Variants in VAV3 observed in about 807,000 individuals in gnomAD.
VAV3 encodes guanine nucleotide exchange factor VAV3.
In VAV3, 94 loss-of-function variants were observed where a neutral mutation model predicts 131.2. That is an observed-to-expected ratio of 0.72 (90% confidence interval 0.61 to 0.85). The LOEUF (loss-of-function observed/expected upper bound fraction) is 0.85. Among genes scored for constraint, VAV3 ranks in the 40% least tolerant of loss-of-function variants. The probability of loss-of-function intolerance (pLI) is 0.00; values close to 1 mark genes in which losing one functional copy is unlikely to be tolerated. For missense variants in VAV3, 939 were observed against 1,002.7 expected, an observed-to-expected ratio of 0.94 and a Z score of 0.86; for synonymous variants, 349 against 342.0, an observed-to-expected ratio of 1.02 and a Z score of -0.22.
chr1:107,736,237 C>T (rs1257352973), intron 15 of VAV3, among the ~76,000 whole-genome samples: 2 of 152,046 alleles, frequency 1.3e-5, no homozygotes, highest in Non-Finnish European at 2.9e-5. Context: ...TATGACAAAC[C>T]CACAGCCAAT....
chr1:107,813,245 C>T (rs1019784994), intron 2 of VAV3, among the ~76,000 whole-genome samples: 16 of 151,980 alleles, frequency 1.1e-4, no homozygotes, highest in South Asian at 2.1e-4. Flanking sequence ...GGCATGGGGA[C>T]TTCATGGAAA....
chr1:107,911,965 C>T (rs1672389970), intron 1 of VAV3, among the ~76,000 whole-genome samples: 1 of 152,124 alleles, frequency 6.6e-6, no homozygotes, highest in African/African-American at 2.4e-5. Flanking sequence ...TGTCAAGTGC[C>T]ATGATGTAGT....
At chr1:107,889,207 A>G (rs1271978172) in intron 1 of VAV3, among the ~76,000 whole-genome samples, 1 of 151,032 alleles carries the variant, frequency 6.6e-6, no homozygotes, top group Non-Finnish European at 1.5e-5. Context: ...AGGGCATATA[A>G]CAATGCCCAA....
intron 2 of VAV3, among the ~76,000 whole-genome samples, chr1:107,867,097 T>C (rs1398603113): frequency 6.6e-6 from 1 of 152,212 alleles, no homozygotes; most frequent in East Asian, 1.9e-4. Context: ...TACTATGCTA[T>C]ATCTCATAAA....
chr1:107,577,742 C>T (rs188921142), intron 25 of VAV3, among the ~76,000 whole-genome samples: 40 of 152,286 alleles, frequency 2.6e-4, no homozygotes, highest in African/African-American at 9.6e-4. Flanking sequence ...GAAACTGGAT[C>T]GCTAAAGATT....
intron 2 of VAV3, among the ~76,000 whole-genome samples, chr1:107,789,557 C>T (rs1243363312): frequency 6.6e-6 from 1 of 152,150 alleles, no homozygotes; most frequent in Non-Finnish European, 1.5e-5. Context: ...GGTTTGGTAA[C>T]AGTGGTCATT....
chr1:107,684,310 A>T (rs562720531), intron 18 of VAV3, among the ~76,000 whole-genome samples: 1 of 152,342 alleles, frequency 6.6e-6, no homozygotes, highest in East Asian at 1.9e-4. Context: ...TTATTATGCA[A>T]CTGGATGAAA....
chr1:107,790,805 A>G (rs1024725075), intron 2 of VAV3, among the ~76,000 whole-genome samples: 8 of 147,480 alleles, frequency 5.4e-5, no homozygotes, highest in Non-Finnish European at 8.9e-5. Context: ...CTCCTGCCTC[A>G]GCCTCCTGAG....
chr1:107,586,023 T>C (rs1400691055), intron 25 of VAV3, among the ~76,000 whole-genome samples: 2 of 152,146 alleles, frequency 1.3e-5, no homozygotes, highest in Non-Finnish European at 2.9e-5. Context: ...AGCTTTCTGC[T>C]ACGCTACCAG....
At chr1:107,755,373 G>A (rs1664042237) in intron 12 of VAV3, 54 bp downstream of exon 12, 2 of 1,286,110 alleles carry the variant, frequency 1.6e-6, no homozygotes, top group Admixed American at 3.5e-5. Context: ...ACAACTCCTA[G>A]AATGTCGTTG....
intron 9 of VAV3, among the ~76,000 whole-genome samples, chr1:107,761,642 C>T (rs1314078015): frequency 6.6e-6 from 1 of 152,138 alleles, no homozygotes; most frequent in East Asian, 1.9e-4. Flanking sequence ...CAGCAAAATA[C>T]ATCTTCCTGT....
At position 107,602,416 on chromosome 1, in the gene VAV3, C is replaced by G; in HGVS notation, c.2201G>C (p.Arg734Thr). ...RDGFFHIAEN[R>T]KFKSLMELVE... is the part of the protein sequence containing the mutation. The stretch of plus-strand genomic sequence containing the variant: ...GCTTACCATTAAACTTTTAAATTTT[C>G]TATTTTCTGCAATGTGAAAAAAGCC... Residue 734 changes from arginine to threonine, a missense_variant, in exon 24 of 27, where the codon AGA (arginine) becomes ACA (threonine). Arg to Thr is a moderately conservative substitution (Grantham distance 71). Transcript: ENST00000370056. 6.4e-7 allele frequency: 1 copy of G among 1,569,870 alleles called. No homozygotes were observed. The highest frequency in any genetic ancestry group is 8.6e-7 in the Non-Finnish European group (1 of 1,164,774).
intron 2 of VAV3, among the ~76,000 whole-genome samples, chr1:107,848,782 T>C (rs1013197077): frequency 6.6e-6 from 1 of 152,192 alleles, no homozygotes; most frequent in Non-Finnish European, 1.5e-5. Flanking sequence ...GGAAGTCAAA[T>C]TGTCTCTGTT....
At position 107,572,253 on chromosome 1, in the gene VAV3, A is replaced by C. The variant is rs544578714; in HGVS notation, c.*1078T>G. On this transcript the variant is annotated 3_prime_UTR_variant, in exon 27 of 27. Coordinates refer to ENST00000370056, the MANE Select transcript of VAV3 (RefSeq NM_006113.5). ...TCTGAGAGAAGCTGGAGGCCCACAAAAGTCCACTGACCCTCTTTCTGTCCC... is the reference window on the plus strand; with the variant it reads ...TCTGAGAGAAGCTGGAGGCCCACAACAGTCCACTGACCCTCTTTCTGTCCC... 6.6e-6 allele frequency: 1 copy of C among 152,328 alleles called. No individual in the cohort carries two copies. Among genetic ancestry groups the C allele is most frequent in the South Asian group, 2.1e-4 (1 of 4,824 alleles). The allele number at this position is 152,328 out of a possible 1,614,324, so 9.4% of individuals were successfully genotyped here. A position where few individuals can be genotyped will look rare whatever the true frequency, so the allele number is the denominator to read the frequency against.
At chr1:107,814,522 G>T (rs1667482689) in intron 2 of VAV3, among the ~76,000 whole-genome samples, 1 of 151,882 alleles carries the variant, frequency 6.6e-6, no homozygotes, top group African/African-American at 2.4e-5. Flanking sequence ...AGTATATTCT[G>T]GATATTAGTC....
chr1:107,810,727 T>C (rs183882591), intron 2 of VAV3, among the ~76,000 whole-genome samples: 1 of 152,254 alleles, frequency 6.6e-6, no homozygotes, highest in Non-Finnish European at 1.5e-5. Flanking sequence ...GTAATCATGT[T>C]ACAGCAAGGC....
intron 17 of VAV3, among the ~76,000 whole-genome samples, chr1:107,692,817 C>T (rs1659509013): frequency 6.6e-6 from 1 of 152,150 alleles, no homozygotes; most frequent in Admixed American, 6.6e-5. Context: ...ATTAGGGCAG[C>T]TGAGGCTTGC....
intron 1 of VAV3, among the ~76,000 whole-genome samples, chr1:107,933,591 T>C (rs897642415): frequency 6.6e-6 from 1 of 151,910 alleles, no homozygotes; most frequent in Non-Finnish European, 1.5e-5. Flanking sequence ...GGCAGTAGGA[T>C]TACTTGAGCC....
intron 2 of VAV3, among the ~76,000 whole-genome samples, chr1:107,853,470 A>G (rs1054990828): frequency 6.6e-6 from 1 of 152,128 alleles, no homozygotes; most frequent in African/African-American, 2.4e-5. Flanking sequence ...ACTTGGGGGT[A>G]CTTTTTGAGA....
Sources: gnomAD v4.1 joint callset for allele counts (sites outside exome capture counted in the v4.1 genomes callset) on GRCh38, gnomAD v4.1.1 for gene constraint, MANE v1.5 for transcripts, NCBI Gene and HGNC (gene_info 2026-07-23, HGNC 2026-07-21) for gene names.